UNC50: variants seen among roughly 807,000 people sequenced by gnomAD.
The protein encoded by UNC50 is unc-50 inner nuclear membrane RNA binding protein.
Under a neutral mutation model 31.5 loss-of-function variants are expected in UNC50, and 24 were observed. The observed-to-expected ratio is 0.76, with a 90% CI of 0.55 to 1.07. The LOEUF (loss-of-function observed/expected upper bound fraction) is 1.07, where lower values mean the gene tolerates loss of function less well. Among genes scored for constraint, UNC50 ranks in the 50% least tolerant of loss-of-function variants. The probability of loss-of-function intolerance (pLI) is 0.00; values close to 1 mark genes in which losing one functional copy is unlikely to be tolerated. For synonymous variants in UNC50, 118 were observed against 114.7 expected (o/e 1.03, Z -0.18); for missense variants, 245 against 304.2 (o/e 0.81, Z 1.45).
intron 3 of UNC50, among the ~76,000 whole-genome samples, chr2:98,614,326 G>A (rs1167302097): frequency 6.6e-6 from 1 of 152,168 alleles, no homozygotes; most frequent in East Asian, 1.9e-4. Context: ...TATGAGGGGG[G>A]ATCAGGAAGA....
chr2:98,610,079 T>A, intron 2 of UNC50, 40 bp downstream of exon 2: 1 of 1,551,880 alleles, frequency 6.4e-7, no homozygotes, highest in Non-Finnish European at 8.8e-7. Context: ...ACGCTGAGTG[T>A]TTCTGATTAG....
At chr2:98,613,975 C>T (rs1315558333) in intron 3 of UNC50, among the ~76,000 whole-genome samples, 1 of 152,124 alleles carries the variant, frequency 6.6e-6, no homozygotes, top group African/African-American at 2.4e-5. Context: ...CACACTAGGT[C>T]TGGGAGCATA....
In UNC50 at chr2:98,609,758, A is replaced by G; in HGVS notation, c.-2A>G. ...AGAAATGTTTTTCTTCCATCTAGGA[A>G]GATGTTACCGAGTACTTCAGTGAAT... On this transcript the variant is annotated splice_region_variant and 5_prime_UTR_variant, in exon 2 of 6. Coordinates refer to ENST00000357765, the MANE Select transcript of UNC50 (RefSeq NM_014044.7). 1 of 1,614,246 alleles carries G rather than the reference A, an allele frequency of 6.2e-7. No individual in the cohort carries two copies. Among genetic ancestry groups the G allele is most frequent in the Non-Finnish European group, 8.5e-7 (1 of 1,180,020 alleles).
rs750240969 is a variant in UNC50, at chr2:98,616,253, G to C, written c.448G>C (p.Asp150His). The C allele has an allele frequency of 5.0e-6, 8 of 1,614,168 alleles. No homozygotes were observed. Among genetic ancestry groups the C allele is most frequent in the Non-Finnish European group, 6.8e-6 (8 of 1,180,008 alleles). The change falls in exon 4 of 6, where the codon GAT becomes CAT. Residue 150 changes from aspartate (D) to histidine (H), a missense_variant. Transcript: ENST00000357765. ...AGTGAAACGACAGAGCAGAGACTAT[G>C]ATGTGGAATGGGGCTATGCTTTTGA... ...YLVKRQSRDY[D>H]VEWGYAFDVH...
chr2:98,615,707 A>C lies in UNC50; in HGVS notation c.402-500A>C, dbSNP rs1700908468. 2.0e-5 allele frequency among the ~76,000 whole-genome samples: 3 copies of C among 152,144 alleles called. No homozygotes were observed. In the South Asian group the frequency reaches 6.2e-4, roughly 32 times the overall value. ...CCAGGGAGGCTCTGTCAAGGCATTT[A>C]AGTCAAATACTTTTCTCAGAACTCC... is the stretch of plus-strand genomic sequence containing the variant. On this transcript the variant is annotated intron_variant, in intron 3 of 5. Coordinates refer to ENST00000357765, the MANE Select transcript of UNC50 (RefSeq NM_014044.7).
rs533271250 is a variant in UNC50 at position 98,610,454 on chromosome 2, G to T, written c.281-321G>T. ...TGCAAGGGTCTCATTTACCTGTAGG[G>T]TGTTGAAGTGGGTAAGATATTGAAG... On this transcript the variant is annotated intron_variant, in intron 2 of 5. Transcript: ENST00000357765. Among the ~76,000 whole-genome samples, 5 of 152,330 alleles carry T rather than the reference G, an allele frequency of 3.3e-5. No individual in the cohort carries two copies. The East Asian group carries it at 7.7e-4, about 23-fold the overall frequency.
chr2:98,611,504 A>G (rs1308665234), intron 3 of UNC50, among the ~76,000 whole-genome samples: 5 of 152,214 alleles, frequency 3.3e-5, no homozygotes, highest in African/African-American at 1.2e-4. Context: ...AATGGGGCAG[A>G]GGAAGCAATC....
rs780786601 is a variant in UNC50 at position 98,618,259 on chromosome 2, C to T, written c.735C>T (p.Asn245=). The T allele has an allele frequency of 3.1e-6, 5 of 1,612,342 alleles. No homozygotes were observed. The highest frequency in any genetic ancestry group is 4.2e-6 in the Non-Finnish European group (5 of 1,179,360). Residue 245 remains asparagine (N), a synonymous_variant, in exon 6 of 6, where the codon AAC becomes AAT. Transcript: ENST00000357765. ...GGCTTTCCCTGGCACTGGGATGGAA[C>T]TTCACCCATACTCTCTGTTCTTTCT... is the stretch of plus-strand genomic sequence containing the variant. ...LYGLSLALGW[N]FTHTLCSFYK...
intron 4 of UNC50, 43 bp downstream of exon 4, chr2:98,616,389 A>G (rs996451739): frequency 1.9e-6 from 3 of 1,613,774 alleles, no homozygotes; most frequent in South Asian, 1.1e-5. Context: ...TCTTCATTGC[A>G]TGCATTGGTA....
intron 5 of UNC50, among the ~76,000 whole-genome samples, chr2:98,616,793 A>G (rs139260898): frequency 8.1e-4 from 123 of 152,322 alleles, no homozygotes; most frequent in African/African-American, 2.8e-3. Flanking sequence ...AACAGATTTT[A>G]TACTTTCAAG....
Position 98,616,512 on chromosome 2 carries a change from G to T in UNC50, c.622G>T (p.Val208Leu), listed in dbSNP as rs1276195482. The stretch of plus-strand genomic sequence containing the variant: ...GGTTGCAGTTGGCTATTATATCTAT[G>T]TAACTTTCCTGGGATACAGTGGTAA... ...WLVAVGYYIY[V>L]TFLGYSALPF... Residue 208 changes from valine to leucine, a missense_variant, in exon 5 of 6, where the codon GTA becomes TTA. Coordinates refer to ENST00000357765, the MANE Select transcript of UNC50 (RefSeq NM_014044.7). The T allele has an allele frequency of 6.2e-7, 1 of 1,613,692 alleles. No individual in the cohort carries two copies.
Position 98,618,472 on chromosome 2 carries a change from CTAAT to C in UNC50, c.*172_*175del, listed in dbSNP as rs1156549588. 6 of 497,778 alleles carry C rather than the reference CTAAT, an allele frequency of 1.2e-5. No homozygotes were observed. Among genetic ancestry groups the C allele is most frequent in the East Asian group, 1.1e-4 (3 of 27,994 alleles). The allele number at this position is 497,778 out of a possible 1,614,324, so 30.8% of individuals were successfully genotyped here. ...CTGTGGTCAGGTACATTCCTTAAAA[CTAAT>C]TAAATGTACATTTCTATAATAAATA... On this transcript the variant is annotated 3_prime_UTR_variant, in exon 6 of 6. Transcript: ENST00000357765.
At position 98,608,626 on chromosome 2, in the gene UNC50, G is replaced by A. The variant is rs1405759232; in HGVS notation, c.-105G>A. The A allele has an allele frequency of 5.1e-6, 3 of 586,380 alleles. No homozygotes were observed. In the South Asian group the frequency reaches 6.0e-5, roughly 12 times the overall value. 36.3% of individuals were successfully genotyped at this position (586,380 alleles called of 1,614,324 possible). A position where few individuals can be genotyped will look rare whatever the true frequency, so the allele number is the denominator to read the frequency against. ...GCGGCGCGCCCCAAGGGCCGGCTCCGTTGAGGGAAGGGAAGCCCGCCCGGT... is the reference window on the plus strand; with the variant it reads ...GCGGCGCGCCCCAAGGGCCGGCTCCATTGAGGGAAGGGAAGCCCGCCCGGT... On this transcript the variant is annotated 5_prime_UTR_variant, in exon 1 of 6. Transcript: ENST00000357765.
rs1700815384 is a variant in UNC50 at position 98,610,858 on chromosome 2, T to A, written c.364T>A (p.Cys122Ser). 1 of 1,614,084 alleles carries A rather than the reference T, an allele frequency of 6.2e-7. No individual in the cohort carries two copies. The highest frequency in any genetic ancestry group is 1.3e-5 in the African/African-American group (1 of 74,944). Reference sequence around the variant, plus strand: ...TCTCCTTTGGGTTGTACTCATAGATTGTGTAGGCGTTGGTCTTCTGATAGC... The same window carrying A: ...TCTCCTTTGGGTTGTACTCATAGATAGTGTAGGCGTTGGTCTTCTGATAGC... ...KLLLWVVLID[C>S]VGVGLLIATL... Residue 122 changes from cysteine (C) to serine (S), a missense_variant, in exon 3 of 6, where the codon TGT becomes AGT. Physicochemically the swap from Cys to Ser is moderately radical, Grantham distance 112. Transcript: ENST00000357765.
chr2:98,617,950 C>T (rs1700960052), intron 5 of UNC50, among the ~76,000 whole-genome samples: 1 of 152,144 alleles, frequency 6.6e-6, no homozygotes, highest in Non-Finnish European at 1.5e-5. Flanking sequence ...AATAATTCCT[C>T]TCCTAGGTTT....
chr2:98,617,864 A>ATAT (rs1700958107), intron 5 of UNC50, among the ~76,000 whole-genome samples: 2 of 152,152 alleles, frequency 1.3e-5, no homozygotes, highest in African/African-American at 4.8e-5. Flanking sequence ...GTTTTCATGA[A>ATAT]TATTTGTGAC....
chr2:98,609,647 G>A lies in UNC50; in HGVS notation c.-4-109G>A, dbSNP rs978512395. The A allele has an allele frequency of 5.8e-6, 9 of 1,538,796 alleles. No homozygotes were observed. The African/African-American group carries it at 8.2e-5, about 14-fold the overall frequency. ...TGACTCCTGGCCTTTCTCTAGGGTT[G>A]GGAAGAACATGGAAAGTGACCTCCC... is the stretch of plus-strand genomic sequence containing the variant. On this transcript the variant is annotated intron_variant, in intron 1 of 5. Coordinates refer to ENST00000357765, the MANE Select transcript of UNC50 (RefSeq NM_014044.7).
chr2:98,612,687 G>C (rs978247563), intron 3 of UNC50, among the ~76,000 whole-genome samples: 13 of 152,334 alleles, frequency 8.5e-5, no homozygotes, highest in African/African-American at 2.9e-4. Context: ...GGGATTACAG[G>C]CGTGAGCCAC....
At chr2:98,617,562 TC>T (rs3835895) in intron 5 of UNC50, among the ~76,000 whole-genome samples, 36,025 of 152,104 alleles carry the variant, frequency 0.24, 4,391 homozygotes, top group Middle Eastern at 0.33. Context: ...TTTAAGAACT[TC>T]CTATATGAGA....
Sources: allele counts gnomAD v4.1 joint callset (sites outside exome capture counted in the v4.1 genomes callset), GRCh38; gene constraint gnomAD v4.1.1; transcripts MANE v1.5; gene names NCBI Gene and HGNC (gene_info 2026-07-23, HGNC 2026-07-21).